PLAC1: variants seen among roughly 807,000 people sequenced by gnomAD.
PLAC1 encodes placenta associated 1.
For missense variants in PLAC1, 136 were observed against 163.2 expected, an observed-to-expected ratio of 0.83 and a Z score of 0.91; for synonymous variants, 68 against 62.1, an observed-to-expected ratio of 1.09 and a Z score of -0.44.
chrX:134,614,982 T>C (rs767120147), intron 1 of PLAC1, among the ~76,000 whole-genome samples: 23 of 111,677 alleles, frequency 2.1e-4, no homozygotes, highest in Non-Finnish European at 3.6e-4. Context: ...CATCCATCCA[T>C]GGACACAAAT....
At chrX:134,676,764 A>C (rs749070042) in intron 2 of PLAC1, among the ~76,000 whole-genome samples, 1 of 111,292 alleles carries the variant, frequency 9.0e-6, no homozygotes, top group Admixed American at 9.5e-5. Context: ...TATTGGAGCC[A>C]ATTTTATGTA....
intron 2 of PLAC1, among the ~76,000 whole-genome samples, chrX:134,706,942 A>T: frequency 8.9e-6 from 1 of 112,150 alleles, no homozygotes. Flanking sequence ...ACTATAACAA[A>T]GCATTTATGT....
At chrX:134,625,783 C>T (rs1223112215) in intron 1 of PLAC1, among the ~76,000 whole-genome samples, 1 of 110,946 alleles carries the variant, frequency 9.0e-6, no homozygotes, top group Non-Finnish European at 1.9e-5. Flanking sequence ...AGGCGAGGCA[C>T]TGCTTTTCCA....
chrX:134,753,917 A>G (rs1396032182), intron 1 of PLAC1, among the ~76,000 whole-genome samples: 1 of 111,491 alleles, frequency 9.0e-6, no homozygotes, highest in Admixed American at 9.5e-5. Context: ...CTAAACCATA[A>G]AACTTAAATA....
At chrX:134,739,112 T>C (rs1168801722) in intron 1 of PLAC1, among the ~76,000 whole-genome samples, 1 of 112,114 alleles carries the variant, frequency 8.9e-6, no homozygotes, top group Non-Finnish European at 1.9e-5. Context: ...CATGATTTTT[T>C]AAGACTCGTG....
chrX:134,584,795 C>G (rs1168458939), intron 2 of PLAC1, among the ~76,000 whole-genome samples: 1 of 111,029 alleles, frequency 9.0e-6, no homozygotes, highest in Non-Finnish European at 1.9e-5. Context: ...CAATGAATTG[C>G]CTGTGTGACA....
In PLAC1 at chrX:134,625,068, T is replaced by C. The variant is rs930448273; in HGVS notation, c.-130-22946A>G. Among the ~76,000 whole-genome samples, 3 of 111,860 alleles carry C rather than the reference T, an allele frequency of 2.7e-5. No individual in the cohort carries two copies. In the East Asian group the frequency reaches 8.4e-4, roughly 31 times the overall value. On this transcript the variant is annotated intron_variant, in intron 1 of 2. Coordinates refer to ENST00000359237, the MANE Select transcript of PLAC1 (RefSeq NM_021796.4). ...ATGATCTATTACAGCCTACTGACTTTCCCACATAGAAAGTCAGCCACATAC... is the reference window on the plus strand; with the variant it reads ...ATGATCTATTACAGCCTACTGACTTCCCCACATAGAAAGTCAGCCACATAC...
At chrX:134,601,612 T>C (rs2078089806) in intron 2 of PLAC1, 1 of 112,306 alleles carries the variant, frequency 8.9e-6, no homozygotes, top group African/African-American at 3.2e-5. Flanking sequence ...CATTAGACTC[T>C]CTCCTGTTAT....
intron 1 of PLAC1, among the ~76,000 whole-genome samples, chrX:134,635,432 G>A (rs1348202398): frequency 9.1e-6 from 1 of 110,399 alleles, no homozygotes; most frequent in Non-Finnish European, 1.9e-5. Context: ...CAGTCTCCTG[G>A]GGTCAAGCAA....
At chrX:134,760,038 A>C (rs1279680337) in intron 1 of PLAC1, among the ~76,000 whole-genome samples, 1 of 111,966 alleles carries the variant, frequency 8.9e-6, no homozygotes, top group African/African-American at 3.3e-5. Context: ...ATACTTAACA[A>C]AAATATATTG....
chrX:134,625,057 C>T (rs1055264109), intron 1 of PLAC1, among the ~76,000 whole-genome samples: 1 of 111,776 alleles, frequency 8.9e-6, no homozygotes, highest in Non-Finnish European at 1.9e-5. Context: ...TCTATTACAG[C>T]CTACTGACTT....
rs746632042 is a variant in PLAC1, at chrX:134,578,273, C to T, written c.-58-11533G>A. On this transcript the variant is annotated intron_variant, in intron 2 of 2. Transcript: ENST00000359237. Reference sequence around the variant, plus strand: ...CTAAAAATACAAAAAATTAGCCAGGCGTGGTGGCGGGCGCCTGTAGTCCCA... The same window carrying T: ...CTAAAAATACAAAAAATTAGCCAGGTGTGGTGGCGGGCGCCTGTAGTCCCA... Among the ~76,000 whole-genome samples, 7 of 108,448 alleles carry T rather than the reference C, an allele frequency of 6.5e-5. No individual in the cohort carries two copies. In the South Asian group the frequency reaches 1.6e-3, roughly 25 times the overall value. 94.2% of individuals were successfully genotyped at this position (108,448 alleles called of 115,157 possible).
intron 1 of PLAC1, among the ~76,000 whole-genome samples, chrX:134,636,485 C>A (rs1190977611): frequency 1.8e-5 from 2 of 112,072 alleles, no homozygotes; most frequent in Non-Finnish European, 3.8e-5. Flanking sequence ...TGCTGAAGGG[C>A]AGCTTCAAAA....
chrX:134,738,846 A>T (rs2078710142), intron 1 of PLAC1, among the ~76,000 whole-genome samples: 1 of 112,192 alleles, frequency 8.9e-6, no homozygotes, highest in Non-Finnish European at 1.9e-5. Context: ...ATGATGCAAA[A>T]CCTGTTGATT....
At chrX:134,647,673 G>A (rs1312351453) in intron 1 of PLAC1, among the ~76,000 whole-genome samples, 1 of 111,344 alleles carries the variant, frequency 9.0e-6, no homozygotes, top group Non-Finnish European at 1.9e-5. Context: ...TCTCTTGCTT[G>A]AAAGGAACAT....
intron 1 of PLAC1, among the ~76,000 whole-genome samples, chrX:134,615,778 C>T (rs747863816): frequency 9.0e-6 from 1 of 111,488 alleles, no homozygotes; most frequent in Admixed American, 9.6e-5. Context: ...AGTCTAATCT[C>T]ATTCTTTTGA....
At chrX:134,608,887 G>A (rs7052005) in intron 1 of PLAC1, among the ~76,000 whole-genome samples, 23,401 of 108,384 alleles carry the variant, frequency 0.22, 2,151 homozygotes, top group African/African-American at 0.31. Context: ...TGTTGGTCAG[G>A]ATGGTCTGTA....
intron 1 of PLAC1, among the ~76,000 whole-genome samples, chrX:134,654,515 A>G (rs890660373): frequency 3.6e-5 from 3 of 84,139 alleles, no homozygotes; most frequent in Non-Finnish European, 7.4e-5. Flanking sequence ...GTACTGAAAG[A>G]ATGAGACAGA....
At chrX:134,740,875 C>T (rs2078715441) in intron 1 of PLAC1, among the ~76,000 whole-genome samples, 1 of 111,818 alleles carries the variant, frequency 8.9e-6, no homozygotes, top group Admixed American at 9.4e-5. Flanking sequence ...AGGATTCTCC[C>T]CTACAGCCCC....
Sources: allele counts gnomAD v4.1 joint callset (sites outside exome capture counted in the v4.1 genomes callset), GRCh38; gene constraint gnomAD v4.1.1; transcripts MANE v1.5; gene names NCBI Gene and HGNC (gene_info 2026-07-23, HGNC 2026-07-21).